The following RNFT2 variants were observed in gnomAD, a reference collection of about 807,000 sequenced individuals.
The protein encoded by RNFT2 is E3 ubiquitin-protein ligase RNFT2.
RNFT2 carries 36 observed loss-of-function variants against 53.0 expected under a neutral mutation model. The ratio of observed to expected loss-of-function variants is 0.68; its 90% CI spans 0.52 to 0.90. The LOEUF (loss-of-function observed/expected upper bound fraction) is 0.90. Among genes scored for constraint, RNFT2 ranks in the 40% least tolerant of loss-of-function variants. The probability of loss-of-function intolerance (pLI) is 0.00; values close to 1 mark genes in which losing one functional copy is unlikely to be tolerated. For synonymous variants in RNFT2, 260 were observed against 253.2 expected (o/e 1.03, Z -0.26); for missense variants, 514 against 585.6 (o/e 0.88, Z 1.26).
At chr12:116,748,912 T>C (rs1490103898) in intron 3 of RNFT2, among the ~76,000 whole-genome samples, 1 of 152,176 alleles carries the variant, frequency 6.6e-6, no homozygotes, top group Non-Finnish European at 1.5e-5. Flanking sequence ...TCCATTTCTT[T>C]ATCTGTAAAG....
intron 10 of RNFT2, among the ~76,000 whole-genome samples, chr12:116,848,178 G>T (rs996831466): frequency 6.6e-6 from 1 of 152,046 alleles, no homozygotes; most frequent in Non-Finnish European, 1.5e-5. Flanking sequence ...ACATGATCTC[G>T]TTCCTTTTTA....
rs1037159494 is a variant in RNFT2 at position 116,833,830 on chromosome 12, G to C, written c.921G>C (p.Leu307=). ...FYLVIEELSQ[L]FRSLVPIQLW... The stretch of plus-strand genomic sequence containing the variant: ...TGGTCATCGAGGAGCTGAGCCAGCT[G>C]TTCCGATCCCTTGTCCCCATCCAGC... The change falls in exon 8 of 11, where the codon CTG becomes CTC. Residue 307 remains leucine, a synonymous_variant. Coordinates refer to ENST00000257575, the MANE Select transcript of RNFT2 (RefSeq NM_001382266.1). 3.1e-6 allele frequency: 5 copies of C among 1,613,178 alleles called. No homozygotes were observed. The highest frequency in any genetic ancestry group is 4.2e-6 in the Non-Finnish European group (5 of 1,179,620).
At chr12:116,783,317 T>TGG (rs1217207689) in intron 7 of RNFT2, among the ~76,000 whole-genome samples, 2 of 152,340 alleles carry the variant, frequency 1.3e-5, no homozygotes, top group East Asian at 3.9e-4. Context: ...GCCCCTACAC[T>TGG]GGCTTCGTGT....
intron 7 of RNFT2, among the ~76,000 whole-genome samples, chr12:116,780,368 G>C (rs140776745): frequency 1.3e-4 from 20 of 152,252 alleles, no homozygotes; most frequent in Admixed American, 3.3e-4. Context: ...CTCATAGGGA[G>C]CATACAACCT....
intron 6 of RNFT2, among the ~76,000 whole-genome samples, chr12:116,771,499 G>A (rs11610785): frequency 0.32 from 4,331 of 13,630 alleles, 710 homozygotes; most frequent in Non-Finnish European, 0.5. Context: ...AAAAAAATAC[G>A]TATATGAGCA....
At chr12:116,791,392 C>A (rs1042409473) in intron 7 of RNFT2, among the ~76,000 whole-genome samples, 4 of 152,176 alleles carry the variant, frequency 2.6e-5, no homozygotes, top group African/African-American at 7.2e-5. Context: ...CTCACTGCAA[C>A]CTCTGCCTCC....
At chr12:116,767,029 C>T in intron 6 of RNFT2, 115 bp downstream of exon 6, 2 of 667,766 alleles carry the variant, frequency 3.0e-6, no homozygotes, top group Middle Eastern at 8.3e-4. Flanking sequence ...TTGTAACTTC[C>T]AAATTCCACC....
Position 116,851,914 on chromosome 12 carries a change from C to T in RNFT2, c.*2466C>T. On this transcript the variant is annotated 3_prime_UTR_variant, in exon 11 of 11. Coordinates refer to ENST00000257575, the MANE Select transcript of RNFT2 (RefSeq NM_001382266.1). Reference sequence around the variant, plus strand: ...ACTTAAGTCTCAGGCCTGTCAGCAGCTCCTGTGGACATTGCCATCCCCTCT... The same window carrying T: ...ACTTAAGTCTCAGGCCTGTCAGCAGTTCCTGTGGACATTGCCATCCCCTCT... The T allele has an allele frequency of 1.3e-6, 2 of 1,534,852 alleles. No individual in the cohort carries two copies. The highest frequency in any genetic ancestry group is 1.7e-6 in the Non-Finnish European group (2 of 1,146,422).
chr12:116,817,262 C>T (rs1454377740), intron 7 of RNFT2, among the ~76,000 whole-genome samples: 1 of 152,188 alleles, frequency 6.6e-6, no homozygotes, highest in Non-Finnish European at 1.5e-5. Context: ...ATTTGCCCGC[C>T]TCAGCCTCCC....
intron 10 of RNFT2, among the ~76,000 whole-genome samples, chr12:116,836,849 G>T (rs1877000463): frequency 6.6e-6 from 1 of 152,002 alleles, no homozygotes. Context: ...AGAATTGCTT[G>T]AACGCGGGAG....
chr12:116,803,740 C>A (rs200325455), intron 7 of RNFT2, among the ~76,000 whole-genome samples: 1 of 152,164 alleles, frequency 6.6e-6, no homozygotes, highest in African/African-American at 2.4e-5. Flanking sequence ...AATTTCTCAA[C>A]TTGAGGTGTA....
chr12:116,750,884 TATATATAATATA>T (rs1872205555), intron 4 of RNFT2, among the ~76,000 whole-genome samples: 2 of 4,996 alleles, frequency 4.0e-4, no homozygotes, highest in African/African-American at 2.4e-3. Flanking sequence ...ATATATATTA[TATATATAATATA>T]TATATATATA....
In RNFT2 at chr12:116,852,797, G is replaced by A. The variant is rs925860363; in HGVS notation, c.*3349G>A. 46 of 1,311,962 alleles carry A rather than the reference G, an allele frequency of 3.5e-5. No homozygotes were observed. The South Asian group carries it at 3.7e-4, about 11-fold the overall frequency. The allele number at this position is 1,311,962 out of a possible 1,614,324, so 81.3% of individuals were successfully genotyped here. On this transcript the variant is annotated 3_prime_UTR_variant, in exon 11 of 11. Transcript: ENST00000257575. Reference sequence around the variant, plus strand: ...CTTTGGGAAGTCACTCAGCCTCCCTGTAGCCATCTCCAGGGTGACGGAACC... The same window carrying A: ...CTTTGGGAAGTCACTCAGCCTCCCTATAGCCATCTCCAGGGTGACGGAACC...
intron 7 of RNFT2, among the ~76,000 whole-genome samples, chr12:116,799,685 C>CT (rs936096653): frequency 3.9e-5 from 6 of 152,124 alleles, no homozygotes; most frequent in African/African-American, 1.4e-4. Context: ...CCTGTAATCC[C>CT]TTTTTTTGGT....
intron 10 of RNFT2, among the ~76,000 whole-genome samples, chr12:116,848,180 T>C (rs1398540676): frequency 6.6e-6 from 1 of 152,216 alleles, no homozygotes; most frequent in Non-Finnish European, 1.5e-5. Context: ...ATGATCTCGT[T>C]CCTTTTTATG....
intron 5 of RNFT2, among the ~76,000 whole-genome samples, chr12:116,759,313 C>G (rs575875278): frequency 6.6e-5 from 10 of 152,152 alleles, no homozygotes; most frequent in Non-Finnish European, 1.0e-4. Flanking sequence ...TTTCTCTGGT[C>G]CCTCCCTGAT....
intron 4 of RNFT2, 39 bp downstream of exon 4, chr12:116,750,346 C>T (rs1872132461): frequency 1.3e-6 from 2 of 1,556,158 alleles, no homozygotes; most frequent in Non-Finnish European, 1.7e-6. Flanking sequence ...CCATGGGCTT[C>T]ACAGGCAGGC....
chr12:116,764,646 CTTTG>C (rs1335685214), intron 5 of RNFT2, among the ~76,000 whole-genome samples: 1 of 152,196 alleles, frequency 6.6e-6, no homozygotes, highest in Non-Finnish European at 1.5e-5. Flanking sequence ...AATCCCAGCA[CTTTG>C]GGAGGCTGAG....
intron 6 of RNFT2, among the ~76,000 whole-genome samples, chr12:116,773,154 G>T (rs1264356049): frequency 6.6e-6 from 1 of 151,976 alleles, no homozygotes. Flanking sequence ...ATAGAGACAG[G>T]TTTCACCATG....
Sources: allele counts gnomAD v4.1 joint callset (sites outside exome capture counted in the v4.1 genomes callset), GRCh38; gene constraint gnomAD v4.1.1; transcripts MANE v1.5; gene names NCBI Gene and HGNC (gene_info 2026-07-23, HGNC 2026-07-21).